Variants in PCDHGA8 observed in about 807,000 individuals in gnomAD.
PCDHGA8 encodes the protein protocadherin gamma-A8.
PCDHGA8 carries 45 observed loss-of-function variants against 59.2 expected under a neutral mutation model. The observed-to-expected ratio is 0.76, with a 90% CI of 0.60 to 0.98. PCDHGA8 has a LOEUF of 0.98. Ranked by LOEUF, PCDHGA8 falls within the 50% of genes least tolerant of loss-of-function variation. The pLI is 0.00. For synonymous variants in PCDHGA8, 531 were observed against 519.0 expected, an observed-to-expected ratio of 1.02 and a Z score of -0.32; for missense variants, 1,257 against 1,196.2, an observed-to-expected ratio of 1.05 and a Z score of -0.75.
chr5:141,455,961 G>C (rs1447678052), intron 1 of PCDHGA8, among the ~76,000 whole-genome samples: 1 of 150,954 alleles, frequency 6.6e-6, no homozygotes, highest in African/African-American at 2.4e-5. Context: ...GCAGTGGCGC[G>C]ATCTCAGCTC....
Position 141,392,836 on chromosome 5 carries a change from C to T in PCDHGA8, c.23C>T (p.Pro8Leu). Residue 8 changes from proline to leucine, a missense_variant, in exon 1 of 4, where the codon CCC (proline) becomes CTC (leucine). Pro to Leu is a moderately conservative substitution (Grantham distance 98). Transcript: ENST00000398604. ...ACAATGGCCGCTCCACAGAGTCGCC[C>T]CAGACGCGGCGAGCTGATCCTGCTG... Reference protein sequence around the residue: MAAPQSRPRRGELILLCA... With the variant: MAAPQSRLRRGELILLCA... The T allele has an allele frequency of 6.2e-7, 1 of 1,608,040 alleles. No homozygotes were observed. Among genetic ancestry groups the T allele is most frequent in the Non-Finnish European group, 8.5e-7 (1 of 1,177,080 alleles).
In PCDHGA8 at chr5:141,402,356, T is replaced by C. The variant is rs183915738; in HGVS notation, c.2424+7119T>C. Among the ~76,000 whole-genome samples, 46 of 152,098 alleles carry C rather than the reference T, an allele frequency of 3.0e-4. 1 individual carries two copies. Among genetic ancestry groups the C allele is most frequent in the African/African-American group, 1.0e-3 (43 of 41,550 alleles). On this transcript the variant is annotated intron_variant, in intron 1 of 3. Coordinates refer to ENST00000398604, the MANE Select transcript of PCDHGA8 (RefSeq NM_032088.2). ...TATAGGTATAAAAATTAAAAATGAA[T>C]GTACTTCCAAACAAGATTGCACATA...
Position 141,477,016 on chromosome 5 carries a change from A to G in PCDHGA8, c.2425-17791A>G, listed in dbSNP as rs2099403497. Reference sequence around the variant, plus strand: ...GGCAACTATTCGCCTTAGACCTTGTAACCGGGATGCTGACAATCAAGGGTC... The same window carrying G: ...GGCAACTATTCGCCTTAGACCTTGTGACCGGGATGCTGACAATCAAGGGTC... On this transcript the variant is annotated intron_variant, in intron 1 of 3. Transcript: ENST00000398604. The surrounding 1 kb of genome is among the most constrained non-coding windows in gnomAD (Gnocchi z 4.9). 4.3e-6 allele frequency: 7 copies of G among 1,614,130 alleles called. No homozygotes were observed. The highest frequency in any genetic ancestry group is 5.9e-6 in the Non-Finnish European group (7 of 1,180,050).
chr5:141,458,059 T>G (rs533147047), intron 1 of PCDHGA8, among the ~76,000 whole-genome samples: 39 of 152,358 alleles, frequency 2.6e-4, no homozygotes, highest in African/African-American at 8.9e-4. Context: ...CTTGCTGCAC[T>G]GATGCGAACA....
Position 141,393,135 on chromosome 5 carries a change from A to T in PCDHGA8, c.322A>T (p.Thr108Ser). The change falls in exon 1 of 4, where the codon ACC becomes TCC. Residue 108 changes from threonine to serine, a missense_variant. Transcript: ENST00000398604. ...CCCGCGGTGTCTGATAAATATTAAC[A>T]CCCTGGTTGAGGATAAAGGAAAACT... ...QSPRCLININ[T>S]LVEDKGKLFG... 1 of 1,613,294 alleles carries T rather than the reference A, an allele frequency of 6.2e-7. No homozygotes were observed. The highest frequency in any genetic ancestry group is 8.5e-7 in the Non-Finnish European group (1 of 1,179,888).
At chr5:141,417,943 G>A (rs772925118) in intron 1 of PCDHGA8, 2 of 1,613,194 alleles carry the variant, frequency 1.2e-6, no homozygotes, top group Admixed American at 1.7e-5. Flanking sequence ...TCTACCCCAC[G>A]CTGTGTGAGC....
At chr5:141,427,870 C>T (rs773176633) in intron 1 of PCDHGA8, 86 of 1,558,630 alleles carry the variant, frequency 5.5e-5, no homozygotes, top group Non-Finnish European at 4.8e-5. Context: ...TTCGAGCTCA[C>T]GATGCAGGCC....
intron 2 of PCDHGA8, among the ~76,000 whole-genome samples, chr5:141,505,180 A>G (rs1435197883): frequency 6.6e-6 from 1 of 152,200 alleles, no homozygotes; most frequent in Non-Finnish European, 1.5e-5. Context: ...AGAAAAAAGC[A>G]TCGGAGGCAG....
At position 141,431,020 on chromosome 5, in the gene PCDHGA8, G is replaced by T. The variant is rs941765907; in HGVS notation, c.2424+35783G>T. ...CGCGCAGCGGCAGCTTGGTCACGGCGGGCAGGATAGACCGGGAGGAGCTCT... is the reference window on the plus strand; with the variant it reads ...CGCGCAGCGGCAGCTTGGTCACGGCTGGCAGGATAGACCGGGAGGAGCTCT... On this transcript the variant is annotated intron_variant, in intron 1 of 3. Coordinates refer to ENST00000398604, the MANE Select transcript of PCDHGA8 (RefSeq NM_032088.2). This position sits in a 1 kb window ranked among gnomAD's most constrained non-coding sequence, Gnocchi z 4.8. 2.5e-6 allele frequency: 4 copies of T among 1,614,050 alleles called. No homozygotes were observed. The East Asian group carries it at 8.9e-5, about 36-fold the overall frequency.
chr5:141,423,184 C>A (rs747938944), intron 1 of PCDHGA8: 1 of 1,613,442 alleles, frequency 6.2e-7, no homozygotes, highest in South Asian at 1.1e-5. Flanking sequence ...CCACGGCCAG[C>A]CCCCTCTCTC....
chr5:141,501,664 TATAG>T (rs1161034391), intron 2 of PCDHGA8, among the ~76,000 whole-genome samples: 1 of 152,064 alleles, frequency 6.6e-6, no homozygotes, highest in East Asian at 1.9e-4. Flanking sequence ...TGTTGGAAAA[TATAG>T]ATAATCACAA....
chr5:141,399,643 C>G lies in PCDHGA8; in HGVS notation c.2424+4406C>G, dbSNP rs776980167. On this transcript the variant is annotated intron_variant, in intron 1 of 3. Transcript: ENST00000398604. The stretch of plus-strand genomic sequence containing the variant: ...GGCCTCTTACGTGTCCATGAGCGCG[C>G]AAAGTGGGGTGGTGTTCGCGCAGCG... 133 of 1,613,714 alleles carry G rather than the reference C, an allele frequency of 8.2e-5. No individual in the cohort carries two copies. Among genetic ancestry groups the G allele is most frequent in the Non-Finnish European group, 1.1e-4 (126 of 1,179,890 alleles).
At chr5:141,399,053 A>G (rs2093744168) in intron 1 of PCDHGA8, 2 of 1,613,630 alleles carry the variant, frequency 1.2e-6, no homozygotes, top group East Asian at 2.2e-5. Context: ...GAAGAGACCA[A>G]GGAATATTCA....
At chr5:141,482,901 A>T (rs192886570) in intron 1 of PCDHGA8, among the ~76,000 whole-genome samples, 2 of 152,240 alleles carry the variant, frequency 1.3e-5, no homozygotes, top group African/African-American at 4.8e-5. Flanking sequence ...GTGAAACCTC[A>T]TCTCTATTAA....
chr5:141,423,765 G>A (rs775053869), intron 1 of PCDHGA8: 11 of 233,406 alleles, frequency 4.7e-5, no homozygotes, highest in Admixed American at 1.2e-4. Context: ...GGGGGGTGGG[G>A]CGGCATATAT....
In PCDHGA8 at chr5:141,451,946, G is replaced by A. The variant is rs146934262; in HGVS notation, c.2425-42861G>A. On this transcript the variant is annotated intron_variant, in intron 1 of 3. Coordinates refer to ENST00000398604, the MANE Select transcript of PCDHGA8 (RefSeq NM_032088.2). ...GGAGGTAGGGAGGCAGGGAAAGACC[G>A]AGAAAGTGACATACCATCATTTTTG... Among the ~76,000 whole-genome samples, 240 of 152,218 alleles carry A rather than the reference G, an allele frequency of 1.6e-3. 1 individual carries two copies. Among genetic ancestry groups the A allele is most frequent in the Non-Finnish European group, 2.9e-3 (195 of 68,026 alleles).
chr5:141,455,283 C>G (rs1225185590), intron 1 of PCDHGA8, among the ~76,000 whole-genome samples: 1 of 152,000 alleles, frequency 6.6e-6, no homozygotes, highest in East Asian at 1.9e-4. Context: ...ATTAACATCA[C>G]TTTACATAGT....
intron 1 of PCDHGA8, chr5:141,409,515 T>C (rs1273041163): frequency 5.0e-6 from 8 of 1,613,844 alleles, no homozygotes; most frequent in Non-Finnish European, 6.8e-6. Context: ...AGTAGAAGCA[T>C]CACCTTGTAT....
In PCDHGA8 at chr5:141,400,641, G is replaced by C. The variant is rs1427284697; in HGVS notation, c.2424+5404G>C. On this transcript the variant is annotated intron_variant, in intron 1 of 3. Coordinates refer to ENST00000398604, the MANE Select transcript of PCDHGA8 (RefSeq NM_032088.2). ...GTCTTAGGGAAGTCAGAGCTGCTCA[G>C]AAAGCTGTCCTACCATTCTTTAAGA... The C allele has an allele frequency of 9.3e-6, 12 of 1,288,952 alleles. No homozygotes were observed. The East Asian group carries it at 2.8e-4, about 30-fold the overall frequency. 79.8% of individuals were successfully genotyped at this position (1,288,952 alleles called of 1,614,324 possible). A position where few individuals can be genotyped will look rare whatever the true frequency, so the allele number is the denominator to read the frequency against.
Sources: gnomAD v4.1 joint callset for allele counts (sites outside exome capture counted in the v4.1 genomes callset) on GRCh38, gnomAD v4.1.1 for gene constraint, Gnocchi (gnomAD v3.1) non-coding constraint, MANE v1.5 for transcripts, NCBI Gene and HGNC (gene_info 2026-07-23, HGNC 2026-07-21) for gene names.